The following GRID2 variants were observed in gnomAD, a reference collection of about 807,000 sequenced individuals.
GRID2 encodes glutamate ionotropic receptor delta type subunit 2, also known as glutamate receptor ionotropic, delta-2.
A neutral mutation model predicts 114.8 loss-of-function variants in GRID2; 33 were observed. The ratio of observed to expected loss-of-function variants is 0.29; its 90% CI spans 0.22 to 0.38. GRID2 has a LOEUF of 0.38. Ranked by LOEUF, GRID2 falls within the 10% of genes least tolerant of loss-of-function variation. The probability of loss-of-function intolerance (pLI) is 1.00; values close to 1 mark genes in which losing one functional copy is unlikely to be tolerated. For missense variants in GRID2, 1,184 were observed against 1,257.7 expected (o/e 0.94, Z 0.89); for synonymous variants, 505 against 449.9 (o/e 1.12, Z -1.55).
At chr4:93,109,924 T>C (rs1299086555) in intron 3 of GRID2, among the ~76,000 whole-genome samples, 2 of 152,142 alleles carry the variant, frequency 1.3e-5, no homozygotes, top group South Asian at 2.1e-4. Flanking sequence ...TTAGATTGAA[T>C]TTTACTTTTC....
chr4:93,783,176 G>A (rs1016572296), intron 1 of GRID2, among the ~76,000 whole-genome samples: 1 of 152,262 alleles, frequency 6.6e-6, no homozygotes, highest in African/African-American at 2.4e-5. Flanking sequence ...AAGGCATGCT[G>A]ACCAGGTGCC....
chr4:92,899,516 C>G (rs951655966), intron 2 of GRID2, among the ~76,000 whole-genome samples: 3 of 152,158 alleles, frequency 2.0e-5, no homozygotes, highest in Non-Finnish European at 4.4e-5. Context: ...AGTTATTCAA[C>G]AGGACTTGGT....
At chr4:92,734,617 G>A (rs999162321) in intron 2 of GRID2, among the ~76,000 whole-genome samples, 1 of 151,722 alleles carries the variant, frequency 6.6e-6, no homozygotes. Flanking sequence ...TTTCTAAAGA[G>A]GAAACTTGAC....
At chr4:93,247,162 A>G (rs1748308009) in intron 8 of GRID2, among the ~76,000 whole-genome samples, 1 of 152,124 alleles carries the variant, frequency 6.6e-6, no homozygotes. Flanking sequence ...TTCTGTGTCC[A>G]AGTCTTGGTG....
At chr4:92,899,570 C>G (rs1747416310) in intron 2 of GRID2, among the ~76,000 whole-genome samples, 1 of 152,070 alleles carries the variant, frequency 6.6e-6, no homozygotes, top group African/African-American at 2.4e-5. Context: ...ATTTAATAGT[C>G]AGAGTTCTTT....
At chr4:93,439,552 A>G (rs1235207092) in intron 10 of GRID2, among the ~76,000 whole-genome samples, 3 of 152,108 alleles carry the variant, frequency 2.0e-5, no homozygotes, top group Non-Finnish European at 4.4e-5. Context: ...AGAATTTCTA[A>G]AAGTTTAGGA....
chr4:93,190,589 C>G (rs1461775370), intron 4 of GRID2, among the ~76,000 whole-genome samples: 2 of 152,018 alleles, frequency 1.3e-5, no homozygotes, highest in African/African-American at 2.4e-5. Flanking sequence ...ACATTTTTTC[C>G]ATTTGAAATG....
intron 2 of GRID2, among the ~76,000 whole-genome samples, chr4:92,925,054 G>T (rs1578491481): frequency 2.0e-5 from 3 of 152,034 alleles, no homozygotes; most frequent in Middle Eastern, 3.4e-3. Flanking sequence ...TCTAAGCAAG[G>T]GTCCAGAATA....
At chr4:93,764,429 T>A (rs1005049591) in intron 14 of GRID2, among the ~76,000 whole-genome samples, 1 of 152,160 alleles carries the variant, frequency 6.6e-6, no homozygotes, top group African/African-American at 2.4e-5. Flanking sequence ...CATTAAGAAG[T>A]ATGTACCGGA....
intron 13 of GRID2, among the ~76,000 whole-genome samples, chr4:93,553,359 T>C (rs544152092): frequency 6.6e-6 from 1 of 152,322 alleles, no homozygotes; most frequent in East Asian, 1.9e-4. Flanking sequence ...GTGGTTTTGA[T>C]TTGGATTAAC....
At chr4:93,210,682 T>C (rs575822651) in intron 5 of GRID2, among the ~76,000 whole-genome samples, 1 of 152,194 alleles carries the variant, frequency 6.6e-6, no homozygotes, top group East Asian at 1.9e-4. Flanking sequence ...CTCTTCATAT[T>C]ATATAGGTGT....
chr4:93,727,299 C>A (rs1021152099), intron 14 of GRID2, among the ~76,000 whole-genome samples: 2 of 152,040 alleles, frequency 1.3e-5, no homozygotes, highest in Non-Finnish European at 2.9e-5. Flanking sequence ...TATTGATTTG[C>A]GTATGTTGAA....
intron 2 of GRID2, among the ~76,000 whole-genome samples, chr4:92,988,995 C>T (rs1560773617): frequency 6.6e-6 from 1 of 151,634 alleles, no homozygotes; most frequent in Non-Finnish European, 1.5e-5. Context: ...TATAAAAATC[C>T]CTGGCCAGGT....
intron 4 of GRID2, among the ~76,000 whole-genome samples, chr4:93,172,412 G>A (rs1738922525): frequency 6.6e-6 from 1 of 151,986 alleles, no homozygotes; most frequent in African/African-American, 2.4e-5. Context: ...CCAACATAGT[G>A]AAACTCCGTG....
At chr4:92,485,314 A>G (rs1281437984) in intron 1 of GRID2, among the ~76,000 whole-genome samples, 1 of 79,332 alleles carries the variant, frequency 1.3e-5, no homozygotes, top group African/African-American at 4.5e-5. Flanking sequence ...ATATATATAT[A>G]TATATATATA....
At chr4:92,577,450 C>T (rs953444989) in intron 1 of GRID2, among the ~76,000 whole-genome samples, 1 of 152,114 alleles carries the variant, frequency 6.6e-6, no homozygotes, top group Non-Finnish European at 1.5e-5. Flanking sequence ...AACCAGGTTT[C>T]AATTTACAAA....
chr4:92,757,897 G>A (rs1737810240), intron 2 of GRID2, among the ~76,000 whole-genome samples: 1 of 151,908 alleles, frequency 6.6e-6, no homozygotes, highest in Admixed American at 6.6e-5. Flanking sequence ...CACGTCAGTA[G>A]TAATCTTCCT....
At position 93,665,131 on chromosome 4, in the gene GRID2, C is replaced by A. The variant is rs564273257; in HGVS notation, c.2360+38696C>A. ...TTGTCTTTTATTTTTAATTCCTTTT[C>A]TGGGTTTACTATGGTCAGTATTCTC... On this transcript the variant is annotated intron_variant, in intron 14 of 15. Coordinates refer to ENST00000282020, the MANE Select transcript of GRID2 (RefSeq NM_001510.4). 2.3e-4 allele frequency among the ~76,000 whole-genome samples: 35 copies of A among 152,194 alleles called. 1 individual carries two copies. In the South Asian group the frequency reaches 6.8e-3, roughly 30 times the overall value.
chr4:92,583,700 A>G (rs1728285401), intron 1 of GRID2, among the ~76,000 whole-genome samples: 1 of 127,946 alleles, frequency 7.8e-6, no homozygotes, highest in Non-Finnish European at 1.7e-5. Flanking sequence ...TAATATACAT[A>G]TAATTTATAT....
Sources: gnomAD v4.1 joint callset for allele counts (sites outside exome capture counted in the v4.1 genomes callset) on GRCh38, gnomAD v4.1.1 for gene constraint, MANE v1.5 for transcripts, NCBI Gene and HGNC (gene_info 2026-07-23, HGNC 2026-07-21) for gene names.